Variants in ULK4 observed in about 807,000 individuals in gnomAD.
ULK4 encodes the protein inactive serine/threonine-protein kinase ULK4.
A neutral mutation model predicts 160.6 loss-of-function variants in ULK4; 133 were observed. That is an observed-to-expected ratio of 0.83 (90% CI 0.72 to 0.96). ULK4 has a LOEUF of 0.96. Among genes scored for constraint, ULK4 ranks in the 40% least tolerant of loss-of-function variants. The pLI is 0.00. For synonymous variants in ULK4, 534 were observed against 539.8 expected, an observed-to-expected ratio of 0.99 and a Z score of 0.15; for missense variants, 1,580 against 1,499.5, an observed-to-expected ratio of 1.05 and a Z score of -0.89.
intron 32 of ULK4, among the ~76,000 whole-genome samples, chr3:41,500,421 A>G (rs2085158436): frequency 2.4e-5 from 1 of 42,368 alleles, no homozygotes; most frequent in Non-Finnish European, 1.3e-4. Context: ...CCAGGATAGG[A>G]GTTCTTATTA....
intron 32 of ULK4, among the ~76,000 whole-genome samples, chr3:41,548,951 G>C (rs1402124294): frequency 6.6e-6 from 1 of 152,126 alleles, no homozygotes; most frequent in Admixed American, 6.5e-5. Flanking sequence ...TGCAGCCAAA[G>C]AAATCATAAA....
At chr3:41,653,818 T>C (rs887540774) in intron 30 of ULK4, among the ~76,000 whole-genome samples, 4 of 152,196 alleles carry the variant, frequency 2.6e-5, no homozygotes, top group Non-Finnish European at 5.9e-5. Flanking sequence ...AGTTTGCCAG[T>C]CTCTGCTTTA....
intron 17 of ULK4, among the ~76,000 whole-genome samples, chr3:41,850,882 C>A (rs1380323180): frequency 2.0e-5 from 3 of 152,212 alleles, no homozygotes; most frequent in Non-Finnish European, 4.4e-5. Flanking sequence ...AAGTCCTTGC[C>A]CATGCCTATG....
At position 41,398,698 on chromosome 3, in the gene ULK4, C is replaced by T. The variant is rs1012579211; in HGVS notation, c.3493-434G>A. Among the ~76,000 whole-genome samples the T allele has an allele frequency of 3.3e-5, 5 of 151,880 alleles. No individual in the cohort carries two copies. The East Asian group carries it at 5.8e-4, about 18-fold the overall frequency. On this transcript the variant is annotated intron_variant, in intron 34 of 36. Coordinates refer to ENST00000301831, the MANE Select transcript of ULK4 (RefSeq NM_017886.4). Reference sequence around the variant, plus strand: ...TGAGCCACTGCGCCTGGCCTAAATACTTTTTTAAATGCATCTTTTTCAAAG... The same window carrying T: ...TGAGCCACTGCGCCTGGCCTAAATATTTTTTTAAATGCATCTTTTTCAAAG...
At chr3:41,268,936 G>A (rs1328035231) in intron 35 of ULK4, among the ~76,000 whole-genome samples, 1 of 151,798 alleles carries the variant, frequency 6.6e-6, no homozygotes, top group Non-Finnish European at 1.5e-5. Context: ...GCCTTCAGAT[G>A]CAGCTCGCGA....
chr3:41,264,033 G>T (rs1469998805), intron 35 of ULK4, among the ~76,000 whole-genome samples: 1 of 152,198 alleles, frequency 6.6e-6, no homozygotes, highest in African/African-American at 2.4e-5. Flanking sequence ...AAGAACAATG[G>T]TGTGAGGTCA....
At chr3:41,413,374 G>A (rs1004114007) in intron 34 of ULK4, among the ~76,000 whole-genome samples, 5 of 152,228 alleles carry the variant, frequency 3.3e-5, no homozygotes, top group South Asian at 2.1e-4. Context: ...AAACATGGGA[G>A]AAAATATTTT....
At chr3:41,910,486 C>G (rs1046035585) in intron 11 of ULK4, among the ~76,000 whole-genome samples, 5 of 151,744 alleles carry the variant, frequency 3.3e-5, no homozygotes, top group African/African-American at 1.2e-4. Flanking sequence ...CCCAGCTACT[C>G]TCGGGAGGCT....
At chr3:41,797,163 T>C (rs1224877594) in intron 20 of ULK4, among the ~76,000 whole-genome samples, 1 of 151,402 alleles carries the variant, frequency 6.6e-6, no homozygotes, top group Non-Finnish European at 1.5e-5. Flanking sequence ...GCCATCAAAA[T>C]AATTTGCATA....
intron 30 of ULK4, among the ~76,000 whole-genome samples, chr3:41,652,861 C>T (rs2034795722): frequency 6.6e-6 from 1 of 152,122 alleles, no homozygotes; most frequent in South Asian, 2.1e-4. Context: ...TACAAAGCAC[C>T]ATGAATAAAC....
chr3:41,898,743 GGCTTACTTTTTA>G (rs1698252193), intron 13 of ULK4, among the ~76,000 whole-genome samples: 2 of 151,996 alleles, frequency 1.3e-5, no homozygotes, highest in Non-Finnish European at 2.9e-5. Flanking sequence ...CTCCTATCTT[GGCTTACTTTTTA>G]GCTAATTTAC....
chr3:41,353,660 C>A lies in ULK4; in HGVS notation c.3678+44419G>T, dbSNP rs182562591. On this transcript the variant is annotated intron_variant, in intron 35 of 36. Transcript: ENST00000301831. ...TCCAGACTGGGTAATGGAGCAAGAC[C>A]CTTTCTCTAATAAATAATAATAATA... is the stretch of plus-strand genomic sequence containing the variant. Among the ~76,000 whole-genome samples, 5 of 150,274 alleles carry A rather than the reference C, an allele frequency of 3.3e-5. No individual in the cohort carries two copies. The East Asian group carries it at 9.8e-4, about 29-fold the overall frequency.
At chr3:41,306,408 C>T (rs1280011916) in intron 35 of ULK4, among the ~76,000 whole-genome samples, 9 of 143,966 alleles carry the variant, frequency 6.3e-5, no homozygotes, top group African/African-American at 2.0e-4. Flanking sequence ...CGCCTCTGCC[C>T]GGCCGCCCCT....
At chr3:41,570,666 C>T (rs1389800357) in intron 31 of ULK4, among the ~76,000 whole-genome samples, 1 of 152,152 alleles carries the variant, frequency 6.6e-6, no homozygotes, top group Non-Finnish European at 1.5e-5. Context: ...CTATAATACC[C>T]TTGGCAACTA....
chr3:41,937,413 G>A (rs1353277900), intron 3 of ULK4: 1 of 655,530 alleles, frequency 1.5e-6, no homozygotes, highest in Admixed American at 2.4e-5. Context: ...TAAATTCTAA[G>A]TATCAATATA....
chr3:41,348,352 C>G (rs1379132774), intron 35 of ULK4, among the ~76,000 whole-genome samples: 2 of 151,882 alleles, frequency 1.3e-5, no homozygotes, highest in Non-Finnish European at 2.9e-5. Flanking sequence ...GTGTCTAGGA[C>G]AAGGTGTACT....
intron 32 of ULK4, among the ~76,000 whole-genome samples, chr3:41,476,233 G>A (rs1158340105): frequency 6.6e-6 from 1 of 152,168 alleles, no homozygotes; most frequent in Non-Finnish European, 1.5e-5. Context: ...GACTACTAAT[G>A]TTGGTGAAGC....
chr3:41,834,504 T>G (rs2041695774), intron 18 of ULK4, among the ~76,000 whole-genome samples: 2 of 152,196 alleles, frequency 1.3e-5, no homozygotes, highest in Admixed American at 6.5e-5. Flanking sequence ...ATTCTAAAAT[T>G]TATTCTGATA....
At chr3:41,802,431 G>T (rs2040489448) in intron 19 of ULK4, among the ~76,000 whole-genome samples, 1 of 151,972 alleles carries the variant, frequency 6.6e-6, no homozygotes, top group African/African-American at 2.4e-5. Flanking sequence ...CAAGCAGCTG[G>T]GACAAGAGGC....
Sources: gnomAD v4.1 joint callset for allele counts (sites outside exome capture counted in the v4.1 genomes callset) on GRCh38, gnomAD v4.1.1 for gene constraint, MANE v1.5 for transcripts, NCBI Gene and HGNC (gene_info 2026-07-23, HGNC 2026-07-21) for gene names.